AMT: variants seen among roughly 807,000 people sequenced by gnomAD.
The protein encoded by AMT is aminomethyltransferase, mitochondrial.
In AMT, 24 loss-of-function variants were observed where a neutral mutation model predicts 39.5. The observed-to-expected ratio is 0.61, with a 90% confidence interval of 0.44 to 0.86. The LOEUF (loss-of-function observed/expected upper bound fraction) is 0.86. AMT is among the 40% of genes least tolerant of loss of function. The pLI is 0.00. For missense variants in AMT, 501 were observed against 537.0 expected (o/e 0.93, Z 0.66); for synonymous variants, 210 against 212.1 (o/e 0.99, Z 0.09).
rs776145886 is a variant in AMT at position 49,417,836 on chromosome 3, T to A, written c.1015A>T (p.Met339Leu). The A allele has an allele frequency of 6.2e-7, 1 of 1,614,092 alleles. No homozygotes were observed. The highest frequency in any genetic ancestry group is 8.5e-7 in the Non-Finnish European group (1 of 1,180,014). Residue 339 changes from methionine to leucine, a missense_variant, in exon 8 of 9, where the codon ATG becomes TTG. By Grantham distance (15) the Met-to-Leu change is conservative. Coordinates refer to ENST00000273588, the MANE Select transcript of AMT (RefSeq NM_000481.4). Reference sequence around the variant, plus strand: ...CACCTACCAATCTTGGTACCCTCCATGTTCAGGATGGGACTGTGTGCCCGC... The same window carrying A: ...CACCTACCAATCTTGGTACCCTCCAAGTTCAGGATGGGACTGTGTGCCCGC... ...PMRAHSPILNMEGTKIGTVTS... is the reference protein window; with the variant it reads ...PMRAHSPILNLEGTKIGTVTS...
intron 2 of AMT, 174 bp downstream of exon 2, chr3:49,421,930 C>G: frequency 1.1e-6 from 1 of 897,736 alleles, no homozygotes; most frequent in Non-Finnish European, 1.8e-6. Context: ...TGATGAGACC[C>G]TCTGAGCTCA....
rs2049106543 is a variant in AMT, at chr3:49,421,766, G to A, written c.259-194C>T. 5 of 681,654 alleles carry A rather than the reference G, an allele frequency of 7.3e-6. No individual in the cohort carries two copies. The Admixed American group carries it at 8.5e-5, about 12-fold the overall frequency. The allele number at this position is 681,654 out of a possible 1,614,324, so 42.2% of individuals were successfully genotyped here. ...CCTCCCCCAGTCACTCTGTGTGGGG[G>A]GACTGCCAGGGAACTGGACAGGACC... is the stretch of plus-strand genomic sequence containing the variant. On this transcript the variant is annotated intron_variant, in intron 2 of 8. Transcript: ENST00000273588.
At chr3:49,421,066 G>A (rs563866710) in intron 3 of AMT, 15 of 272,458 alleles carry the variant, frequency 5.5e-5, no homozygotes, top group East Asian at 2.8e-4. Context: ...CACCACGCCC[G>A]GCTAATTTTT....
chr3:49,418,186 TC>T lies in AMT; in HGVS notation c.878-214del, dbSNP rs1479491290. ...GCCCACCTGCCGAGCGTCTTCAGTTTCTTTTTTTTTTTTTTGAGATGGAGTC... is the reference window on the plus strand; with the variant it reads ...GCCCACCTGCCGAGCGTCTTCAGTTTTTTTTTTTTTTTTTGAGATGGAGTC... On this transcript the variant is annotated intron_variant, in intron 7 of 8. Coordinates refer to ENST00000273588, the MANE Select transcript of AMT (RefSeq NM_000481.4). 3.8e-5 allele frequency: 23 copies of T among 601,730 alleles called. No homozygotes were observed. In the East Asian group the frequency reaches 6.0e-4, roughly 16 times the overall value. The allele number at this position is 601,730 out of a possible 1,614,324, so 37.3% of individuals were successfully genotyped here.
intron 2 of AMT, 112 bp from the exon 3 acceptor site, chr3:49,421,684 T>G (rs1162739474): frequency 2.2e-6 from 2 of 929,248 alleles, no homozygotes; most frequent in Non-Finnish European, 3.5e-6. Flanking sequence ...CCACCCAAAG[T>G]GACTAACCAG....
chr3:49,419,775 T>C lies in AMT; in HGVS notation c.485A>G (p.Glu162Gly). 6.2e-7 allele frequency: 1 copy of C among 1,613,990 alleles called. No homozygotes were observed. The highest frequency in any genetic ancestry group is 8.5e-7 in the Non-Finnish European group (1 of 1,180,008). The change falls in exon 5 of 9, where the codon GAG becomes GGG. Residue 162 changes from glutamate to glycine, a missense_variant. By Grantham distance (98) the Glu-to-Gly change is moderately conservative. Transcript: ENST00000273588. ...DLALMQDKVR[E>G]LQNQGRDVGL... ...CACATCTCTGCCCTGGTTCTGAAGC[T>C]CCCTGACCTTGTCCTAAAAGACAGA...
intron 3 of AMT, chr3:49,420,616 CACTT>C (rs1054660671): frequency 1.3e-5 from 6 of 463,062 alleles, no homozygotes; most frequent in Non-Finnish European, 2.0e-5. Context: ...TCCCATCTGA[CACTT>C]AATCTATGAC....
chr3:49,417,087 T>C lies in AMT; in HGVS notation c.*453A>G. The C allele has an allele frequency of 1.5e-6, 1 of 681,090 alleles. No individual in the cohort carries two copies. The highest frequency in any genetic ancestry group is 2.9e-5 in the East Asian group (1 of 34,350). 42.2% of individuals were successfully genotyped at this position (681,090 alleles called of 1,614,324 possible). ...TGACTTGCAGTAAGGACAATTTGCA[T>C]TTACGGAAAGCAAACTGGAGGGGGT... On this transcript the variant is annotated 3_prime_UTR_variant, in exon 9 of 9. Coordinates refer to ENST00000273588, the MANE Select transcript of AMT (RefSeq NM_000481.4).
In AMT at chr3:49,417,395, A is replaced by G; in HGVS notation, c.*145T>C. ...GGAATGGCATGAGTTAGGTGGGGGG[A>G]ATAGGTGGTGTGGCCCCTCAACCAG... On this transcript the variant is annotated 3_prime_UTR_variant, in exon 9 of 9. Coordinates refer to ENST00000273588, the MANE Select transcript of AMT (RefSeq NM_000481.4). 1 of 1,606,640 alleles carries G rather than the reference A, an allele frequency of 6.2e-7. No homozygotes were observed. Among genetic ancestry groups the G allele is most frequent in the Non-Finnish European group, 8.5e-7 (1 of 1,178,984 alleles).
intron 3 of AMT, chr3:49,420,608 C>G (rs762572373): frequency 3.6e-5 from 17 of 475,320 alleles, no homozygotes; most frequent in Non-Finnish European, 6.6e-5. Flanking sequence ...ACTGAGAGTC[C>G]CATCTGACAC....
Position 49,419,805 on chromosome 3 carries a change from C to G in AMT, c.472-17G>C. The G allele has an allele frequency of 6.2e-7, 1 of 1,613,550 alleles. No homozygotes were observed. Among genetic ancestry groups the G allele is most frequent in the Non-Finnish European group, 8.5e-7 (1 of 1,179,530 alleles). Reference sequence around the variant, plus strand: ...GACCTTGTCCTAAAAGACAGAAACACAAGAGCATCTGGGGCCACTTACTGA... The same window carrying G: ...GACCTTGTCCTAAAAGACAGAAACAGAAGAGCATCTGGGGCCACTTACTGA... On this transcript the variant is annotated splice_polypyrimidine_tract_variant and intron_variant, in intron 4 of 8. Transcript: ENST00000273588.
intron 7 of AMT, chr3:49,418,244 A>G: frequency 2.0e-6 from 1 of 489,408 alleles, no homozygotes; most frequent in Non-Finnish European, 3.7e-6. Flanking sequence ...ATGCAGTGGC[A>G]CGATCTCAGC....
At chr3:49,418,694 A>G (rs2049043692) in intron 7 of AMT, 1 of 397,882 alleles carries the variant, frequency 2.5e-6, no homozygotes, top group Admixed American at 3.7e-5. Flanking sequence ...TTTAGTAGAG[A>G]CGGGGTTTCA....
At position 49,419,706 on chromosome 3, in the gene AMT, TC is replaced by T. The variant is rs750667660; in HGVS notation, c.550+3del. The T allele has an allele frequency of 6.2e-7, 1 of 1,614,102 alleles. No homozygotes were observed. ...TGGCTCCAACCCCAGCCCAGCCCTC[TC>T]ACCTTGCAGAGCTAGCAGGGCATTA... On this transcript the variant is annotated splice_donor_region_variant and intron_variant, in intron 5 of 8. Coordinates refer to ENST00000273588, the MANE Select transcript of AMT (RefSeq NM_000481.4).
Position 49,422,370 on chromosome 3 carries a change from AC to A in AMT, c.80del (p.Ser27IlefsTer69), listed in dbSNP as rs748956297. The A allele has an allele frequency of 3.7e-6, 6 of 1,613,620 alleles. No homozygotes were observed. ...AFPPALCRPL[S>X]CAQEVLRRTP... is the part of the protein sequence containing the mutation. The stretch of plus-strand genomic sequence containing the variant: ...GCACCCTCTATCCCACCTGTGCGCA[AC>A]TAAGTGGACGACACAAGGCCGGGGG... On this transcript the variant is annotated frameshift_variant, in exon 1 of 9. Coordinates refer to ENST00000273588, the MANE Select transcript of AMT (RefSeq NM_000481.4). LOFTEE classifies it high-confidence loss of function.
chr3:49,421,549 C>T lies in AMT; in HGVS notation c.282G>A (p.Arg94=). 1.2e-6 allele frequency: 2 copies of T among 1,614,170 alleles called. No individual in the cohort carries two copies. Among genetic ancestry groups the T allele is most frequent in the African/African-American group, 2.7e-5 (2 of 75,038 alleles). ...MLQTKILGSD[R]VKLMESLVVG... ...CCACTAGACTCTCCATCAGCTTCAC[C>T]CGGTCACTACCAAGTATCTTGGTCT... Residue 94 remains arginine (R), a synonymous_variant, in exon 3 of 9, where the codon CGG becomes CGA. Coordinates refer to ENST00000273588, the MANE Select transcript of AMT (RefSeq NM_000481.4).
chr3:49,422,179 G>T lies in AMT; in HGVS notation c.183C>A (p.Tyr61Ter). 6.2e-7 allele frequency: 1 copy of T among 1,614,004 alleles called. No homozygotes were observed. Among genetic ancestry groups the T allele is most frequent in the Non-Finnish European group, 8.5e-7 (1 of 1,180,036 alleles). The stretch of plus-strand genomic sequence containing the variant: ...GGTGCGAGTCAGTGTGACTGTCCCG[G>T]TACTGCACTGGCAGACTCCAACCCG... Reference protein sequence around the residue: ...AFAGWSLPVQYRDSHTDSHLH... With the variant: ...AFAGWSLPVQ The change falls in exon 2 of 9, where the codon TAC (tyrosine) becomes TAA (stop). Residue 61 changes from tyrosine (Y) to a stop codon, truncating the protein, a stop_gained. Transcript: ENST00000273588. LOFTEE classifies it high-confidence loss of function.
At position 49,422,279 on chromosome 3, in the gene AMT, C is replaced by T. The variant is rs375632843; in HGVS notation, c.91-8G>A. Reference sequence around the variant, plus strand: ...TGTCCTGCGGAGCACCTCCTGTGGGCGGCTGGGCTTAGTGCCACCAGGGCC... The same window carrying T: ...TGTCCTGCGGAGCACCTCCTGTGGGTGGCTGGGCTTAGTGCCACCAGGGCC... On this transcript the variant is annotated splice_polypyrimidine_tract_variant and splice_region_variant and intron_variant, in intron 1 of 8. Coordinates refer to ENST00000273588, the MANE Select transcript of AMT (RefSeq NM_000481.4). 41 of 1,613,698 alleles carry T rather than the reference C, an allele frequency of 2.5e-5. No homozygotes were observed. Among genetic ancestry groups the T allele is most frequent in the Non-Finnish European group, 3.0e-5 (35 of 1,179,888 alleles).
chr3:49,421,285 T>G, intron 3 of AMT: 1 of 604,748 alleles, frequency 1.7e-6, no homozygotes, highest in East Asian at 2.9e-5. Flanking sequence ...GTTTCTGGCC[T>G]CCTAGCCTGA....
Sources: allele counts gnomAD v4.1 joint callset, GRCh38; gene constraint gnomAD v4.1.1; transcripts MANE v1.5; gene names NCBI Gene and HGNC (gene_info 2026-07-23, HGNC 2026-07-21).